Variants in RELN observed in about 807,000 individuals in gnomAD.
RELN encodes the protein reelin.
RELN carries 108 observed loss-of-function variants against 427.6 expected under a neutral mutation model. That is an observed-to-expected ratio of 0.25 (90% CI 0.22 to 0.30). The LOEUF (loss-of-function observed/expected upper bound fraction) is 0.30, where lower values mean the gene tolerates loss of function less well. Ranked by LOEUF, RELN falls within the 10% of genes least tolerant of loss-of-function variation. The pLI is 1.00. For synonymous variants in RELN, 1,524 were observed against 1,513.4 expected (o/e 1.01, Z -0.16); for missense variants, 3,715 against 4,302.8 (o/e 0.86, Z 3.82).
chr7:103,979,425 G>T (rs1026257188), intron 1 of RELN, among the ~76,000 whole-genome samples: 10 of 152,214 alleles, frequency 6.6e-5, no homozygotes, highest in Non-Finnish European at 7.3e-5. Context: ...GTGGCAGCAG[G>T]TGGACTACTT....
rs1194146482 is a variant in RELN at position 103,626,352 on chromosome 7, A to C, written c.2702+3588T>G. ...AACAACTATTCTCTCTCAATTGTAC[A>C]CTTATATATTTATTTAGAGACAGAG... On this transcript the variant is annotated intron_variant, in intron 20 of 64. Coordinates refer to ENST00000428762, the MANE Select transcript of RELN (RefSeq NM_005045.4). The surrounding 1 kb of genome is among the most constrained non-coding windows in gnomAD (Gnocchi z 4.4). Among the ~76,000 whole-genome samples, 1 of 152,012 alleles carries C rather than the reference A, an allele frequency of 6.6e-6. No individual in the cohort carries two copies. Among genetic ancestry groups the C allele is most frequent in the Non-Finnish European group, 1.5e-5 (1 of 67,944 alleles).
intron 1 of RELN, among the ~76,000 whole-genome samples, chr7:103,927,578 A>G (rs1795773226): frequency 6.6e-6 from 1 of 152,222 alleles, no homozygotes; most frequent in African/African-American, 2.4e-5. Flanking sequence ...AAAAGATGAA[A>G]TAAATGCACA....
intron 17 of RELN, among the ~76,000 whole-genome samples, chr7:103,638,428 C>A (rs1832628477): frequency 6.6e-6 from 1 of 152,092 alleles, no homozygotes. Context: ...AGAGTAGAAT[C>A]TTGATAGCAA....
chr7:103,861,745 A>G (rs1265552605), intron 2 of RELN, among the ~76,000 whole-genome samples: 2 of 152,194 alleles, frequency 1.3e-5, no homozygotes, highest in African/African-American at 4.8e-5. Flanking sequence ...AATCAATAGT[A>G]TGATGGACAA....
intron 6 of RELN, among the ~76,000 whole-genome samples, chr7:103,739,410 T>C (rs1026718023): frequency 2.0e-5 from 3 of 152,210 alleles, no homozygotes; most frequent in African/African-American, 7.2e-5. Flanking sequence ...GTTGTTGCTG[T>C]ATGACTAAGA....
At chr7:103,898,885 T>C (rs770544316) in intron 2 of RELN, among the ~76,000 whole-genome samples, 3 of 152,054 alleles carry the variant, frequency 2.0e-5, no homozygotes, top group Admixed American at 2.0e-4. Context: ...GTCAGAAAAT[T>C]AGAAAGTAGA....
In RELN at chr7:103,590,641, G is replaced by GA. The variant is rs1410758137; in HGVS notation, c.3913-814_3913-813insT. On this transcript the variant is annotated intron_variant, in intron 27 of 64. Coordinates refer to ENST00000428762, the MANE Select transcript of RELN (RefSeq NM_005045.4). Reference sequence around the variant, plus strand: ...GTGTCAACTTAGATGAAACAGCTGAGTGTTTATCACAGCATCAAATAAGCA... The same window carrying GA: ...GTGTCAACTTAGATGAAACAGCTGAGATGTTTATCACAGCATCAAATAAGCA... Among the ~76,000 whole-genome samples, 712 of 152,128 alleles carry GA rather than the reference G, an allele frequency of 4.7e-3. 10 individuals carry two copies. Among genetic ancestry groups the GA allele is most frequent in the African/African-American group, 0.016 (680 of 41,490 alleles).
chr7:103,750,493 A>T (rs1790971351), intron 5 of RELN, among the ~76,000 whole-genome samples: 1 of 152,186 alleles, frequency 6.6e-6, no homozygotes, highest in Non-Finnish European at 1.5e-5. Flanking sequence ...AGAATGAACT[A>T]ATATATCCAT....
intron 3 of RELN, among the ~76,000 whole-genome samples, chr7:103,828,871 C>T (rs1386214716): frequency 3.3e-5 from 5 of 151,858 alleles, no homozygotes; most frequent in African/African-American, 1.2e-4. Context: ...ATTCCGATGC[C>T]ATACTGCAAA....
intron 4 of RELN, among the ~76,000 whole-genome samples, chr7:103,763,526 T>C (rs1042946350): frequency 7.2e-5 from 11 of 152,078 alleles, no homozygotes; most frequent in African/African-American, 2.7e-4. Context: ...GTGATAAAAA[T>C]AAAGATGATA....
chr7:103,713,524 G>A (rs1789857593), intron 8 of RELN, among the ~76,000 whole-genome samples: 1 of 152,082 alleles, frequency 6.6e-6, no homozygotes, highest in African/African-American at 2.4e-5. Context: ...TACTCTCAGG[G>A]GATATTACAT....
intron 8 of RELN, among the ~76,000 whole-genome samples, chr7:103,719,117 A>G (rs972078586): frequency 6.6e-6 from 1 of 152,130 alleles, no homozygotes; most frequent in East Asian, 1.9e-4. Context: ...TGAGTTTAAA[A>G]CCTCCATTTA....
intron 5 of RELN, among the ~76,000 whole-genome samples, chr7:103,752,940 AG>A (rs909572853): frequency 3.9e-4 from 60 of 152,160 alleles, no homozygotes; most frequent in African/African-American, 1.4e-3. Flanking sequence ...ATAGGATCTC[AG>A]GGCTGAGGGT....
chr7:103,832,881 A>G (rs1386434114), intron 3 of RELN, among the ~76,000 whole-genome samples: 1 of 152,166 alleles, frequency 6.6e-6, no homozygotes, highest in East Asian at 1.9e-4. Context: ...TCTTCTTCCA[A>G]AAGGTAGATA....
At chr7:103,621,746 T>G (rs1198325823) in intron 20 of RELN, among the ~76,000 whole-genome samples, 2 of 152,188 alleles carry the variant, frequency 1.3e-5, no homozygotes, top group African/African-American at 4.8e-5. Context: ...CTGGGTGCAG[T>G]GGCTCATGCT....
chr7:103,802,878 C>A (rs1360425294), intron 3 of RELN, among the ~76,000 whole-genome samples: 1 of 152,060 alleles, frequency 6.6e-6, no homozygotes, highest in Non-Finnish European at 1.5e-5. Flanking sequence ...TCCTAATCAC[C>A]ACCATCACAA....
In RELN at chr7:103,938,193, T is replaced by C. The variant is rs370359813; in HGVS notation, c.227-21008A>G. Among the ~76,000 whole-genome samples, 49 of 152,148 alleles carry C rather than the reference T, an allele frequency of 3.2e-4. 1 individual carries two copies. In the East Asian group the frequency reaches 8.7e-3, roughly 27 times the overall value. The stretch of plus-strand genomic sequence containing the variant: ...AAAATTAGCCAGGTGTGGTGGCGCA[T>C]GCCTGTTATCCCAGCTACTCAAGAG... On this transcript the variant is annotated intron_variant, in intron 1 of 64. Coordinates refer to ENST00000428762, the MANE Select transcript of RELN (RefSeq NM_005045.4).
chr7:103,978,619 C>T (rs1046057730), intron 1 of RELN, among the ~76,000 whole-genome samples: 6 of 152,152 alleles, frequency 3.9e-5, no homozygotes, highest in Admixed American at 3.9e-4. Context: ...TCAAATCAAT[C>T]ATTATTTTAA....
chr7:103,525,520 G>A (rs1270248953), intron 46 of RELN, among the ~76,000 whole-genome samples: 2 of 152,098 alleles, frequency 1.3e-5, no homozygotes, highest in African/African-American at 4.8e-5. Flanking sequence ...ACTCACCCCT[G>A]TAAGCTGTGT....
Sources: allele counts gnomAD v4.1 joint callset (sites outside exome capture counted in the v4.1 genomes callset), GRCh38; gene constraint gnomAD v4.1.1; non-coding constraint Gnocchi (gnomAD v3.1); transcripts MANE v1.5; gene names NCBI Gene and HGNC (gene_info 2026-07-23, HGNC 2026-07-21).